Variants in RELB observed in about 807,000 individuals in gnomAD.
The protein encoded by RELB is RELB proto-oncogene, NF-kB subunit.
A neutral mutation model predicts 55.4 loss-of-function variants in RELB; 14 were observed. The ratio of observed to expected loss-of-function variants is 0.25; its 90% CI spans 0.17 to 0.40. The LOEUF (loss-of-function observed/expected upper bound fraction) is 0.40, where lower values mean the gene tolerates loss of function less well. Ranked by LOEUF, RELB falls within the 10% of genes least tolerant of loss-of-function variation. The pLI, the probability that RELB is intolerant of heterozygous loss-of-function variation, is 1.00. For synonymous variants in RELB, 409 were observed against 371.3 expected, an observed-to-expected ratio of 1.10 and a Z score of -1.17; for missense variants, 669 against 830.7, an observed-to-expected ratio of 0.81 and a Z score of 2.39.
intron 5 of RELB, among the ~76,000 whole-genome samples, chr19:45,023,740 C>CTTTTTTTT (rs1168078618): frequency 2.6e-5 from 1 of 38,360 alleles, no homozygotes; most frequent in Non-Finnish European, 4.6e-5. Flanking sequence ...TGCCCAGCCT[C>CTTTTTTTT]TTTTTTTTTT....
chr19:45,009,234 C>G (rs186021856), intron 2 of RELB, among the ~76,000 whole-genome samples: 2 of 152,184 alleles, frequency 1.3e-5, no homozygotes, highest in Non-Finnish European at 2.9e-5. Flanking sequence ...GTGCCCACCA[C>G]GATACCCAGC....
intron 4 of RELB, among the ~76,000 whole-genome samples, chr19:45,015,154 C>T (rs2122424926): frequency 6.6e-6 from 1 of 152,126 alleles, no homozygotes; most frequent in South Asian, 2.1e-4. Context: ...CCACCTGCCT[C>T]GGCCTCCCAA....
chr19:45,001,731 A>G, intron 1 of RELB, 46 bp downstream of exon 1: 1 of 1,285,670 alleles, frequency 7.8e-7, no homozygotes, highest in Non-Finnish European at 1.1e-6. Context: ...GCGGGGCTGG[A>G]GATGCGGGGA....
intron 4 of RELB, among the ~76,000 whole-genome samples, chr19:45,014,491 C>G (rs1971398793): frequency 2.7e-5 from 4 of 150,410 alleles, no homozygotes; most frequent in African/African-American, 9.8e-5. Flanking sequence ...TCTTCCCAGG[C>G]AGTTATTCTG....
intron 4 of RELB, among the ~76,000 whole-genome samples, chr19:45,015,432 G>C (rs1050998996): frequency 1.3e-5 from 2 of 151,958 alleles, no homozygotes; most frequent in African/African-American, 4.8e-5. Flanking sequence ...TGCCAGGTCG[G>C]ACTTATTCTA....
rs180862528 is a variant in RELB at position 45,015,579 on chromosome 19, A to T, written c.504+3303A>T. Among the ~76,000 whole-genome samples, 727 of 152,036 alleles carry T rather than the reference A, an allele frequency of 4.8e-3. 7 individuals are homozygous for T. The highest frequency in any genetic ancestry group is 0.032 in the South Asian group (153 of 4,814). On this transcript the variant is annotated intron_variant, in intron 4 of 11. Transcript: ENST00000221452. ...GCAAGATGCCCGTCTCTATAAAAAT[A>T]AAAAAATTAGCCAGGCGTGGTGGCA...
intron 3 of RELB, among the ~76,000 whole-genome samples, chr19:45,010,522 G>T (rs1971337879): frequency 6.6e-6 from 1 of 151,792 alleles, no homozygotes; most frequent in Admixed American, 6.6e-5. Flanking sequence ...GAAATAAACA[G>T]GACGAGGGAG....
chr19:45,024,496 G>A (rs1971533292), intron 5 of RELB, among the ~76,000 whole-genome samples: 2 of 152,006 alleles, frequency 1.3e-5, no homozygotes, highest in Non-Finnish European at 2.9e-5. Flanking sequence ...GTTGGCCAGT[G>A]TTCTCACATG....
chr19:45,017,233 G>T (rs765333750), intron 4 of RELB, among the ~76,000 whole-genome samples: 1 of 152,164 alleles, frequency 6.6e-6, no homozygotes, highest in Non-Finnish European at 1.5e-5. Context: ...AAGCTGCCAA[G>T]TGGGACTGGC....
At position 45,001,674 on chromosome 19, in the gene RELB, TG is replaced by T. The variant is rs1190343211; in HGVS notation, c.100del (p.Ala34ProfsTer2). ...RVARPPAAPELGALGSPDLSS... is the reference protein window; with the variant it reads ...RVARPPAAPEXGALGSPDLSS... Reference sequence around the variant, plus strand: ...GCCAGACCGCCGGCTGCGCCGGAGCTGGGGGCCTTAGGTAAGCGGGGCTGGG... The same window carrying T: ...GCCAGACCGCCGGCTGCGCCGGAGCTGGGGCCTTAGGTAAGCGGGGCTGGG... On this transcript the variant is annotated frameshift_variant, in exon 1 of 12. Coordinates refer to ENST00000221452, the MANE Select transcript of RELB (RefSeq NM_006509.4). LOFTEE classifies it high-confidence loss of function. 2 of 1,520,144 alleles carry T rather than the reference TG, an allele frequency of 1.3e-6. No homozygotes were observed. Among genetic ancestry groups the T allele is most frequent in the East Asian group, 2.6e-5 (1 of 39,184 alleles). 94.2% of individuals were successfully genotyped at this position (1,520,144 alleles called of 1,614,324 possible).
Position 45,006,017 on chromosome 19 carries a change from G to A in RELB, c.154+3021G>A, listed in dbSNP as rs545929720. On this transcript the variant is annotated intron_variant, in intron 2 of 11. Transcript: ENST00000221452. ...ATGCGCCTGTTCTGTACCTGGCCTTGTGCCGAGCAGTGCTGAGGACAGGCC... is the reference window on the plus strand; with the variant it reads ...ATGCGCCTGTTCTGTACCTGGCCTTATGCCGAGCAGTGCTGAGGACAGGCC... Among the ~76,000 whole-genome samples the A allele has an allele frequency of 3.5e-4, 54 of 152,340 alleles. 1 individual carries two copies. Among genetic ancestry groups the A allele is most frequent in the African/African-American group, 1.2e-3 (51 of 41,578 alleles).
chr19:45,008,558 C>A (rs1971311578), intron 2 of RELB: 2 of 456,072 alleles, frequency 4.4e-6, no homozygotes, highest in Admixed American at 2.4e-5. Context: ...CTCTGCCAGC[C>A]TCAGTATCCC....
chr19:45,036,271 C>T (rs572367026), intron 11 of RELB, among the ~76,000 whole-genome samples: 1 of 152,174 alleles, frequency 6.6e-6, no homozygotes, highest in African/African-American at 2.4e-5. Context: ...AGGGGTTTCG[C>T]CATGTTGGCC....
chr19:45,015,602 G>A (rs1460325618), intron 4 of RELB, among the ~76,000 whole-genome samples: 1 of 152,082 alleles, frequency 6.6e-6, no homozygotes, highest in African/African-American at 2.4e-5. Flanking sequence ...AGGCGTGGTG[G>A]CATGCGCCTG....
At chr19:45,030,488 T>G (rs1212988625) in intron 8 of RELB, among the ~76,000 whole-genome samples, 1 of 152,000 alleles carries the variant, frequency 6.6e-6, no homozygotes, top group African/African-American at 2.4e-5. Flanking sequence ...AAAAATTAGC[T>G]GGGTGTGGTG....
At chr19:45,009,912 GGGGAGA>G in intron 3 of RELB, 90 bp downstream of exon 3, 1 of 1,256,756 alleles carries the variant, frequency 8.0e-7, no homozygotes, top group Non-Finnish European at 1.1e-6. Context: ...AGTGGGGGTG[GGGGAGA>G]GGTGTCACTG....
intron 9 of RELB, among the ~76,000 whole-genome samples, chr19:45,034,028 G>A (rs190032595): frequency 6.6e-5 from 10 of 151,690 alleles, no homozygotes; most frequent in East Asian, 2.0e-4. Flanking sequence ...GCGTGGTGGC[G>A]CACACCTGTA....
intron 2 of RELB, among the ~76,000 whole-genome samples, chr19:45,008,872 C>T (rs963897297): frequency 1.3e-5 from 2 of 152,130 alleles, no homozygotes; most frequent in African/African-American, 2.4e-5. Flanking sequence ...GACGGGAGGT[C>T]GGTTTCGATT....
Position 45,012,258 on chromosome 19 carries a change from G to A in RELB, c.486G>A (p.Lys162=). ...ILGESSTEAS[K]TLPAIELRDC... is the part of the protein sequence containing the mutation. Reference sequence around the variant, plus strand: ...GGGAGAGCAGCACCGAGGCCAGCAAGACGCTGCCCGCCATCGAGGTGGGCC... The same window carrying A: ...GGGAGAGCAGCACCGAGGCCAGCAAAACGCTGCCCGCCATCGAGGTGGGCC... Residue 162 remains lysine, a synonymous_variant, in exon 4 of 12, where the codon AAG becomes AAA. Transcript: ENST00000221452. 1.4e-6 allele frequency: 2 copies of A among 1,424,270 alleles called. No individual in the cohort carries two copies. Among genetic ancestry groups the A allele is most frequent in the South Asian group, 1.6e-5 (1 of 63,554 alleles). The allele number at this position is 1,424,270 out of a possible 1,614,324, so 88.2% of individuals were successfully genotyped here. A position where few individuals can be genotyped will look rare whatever the true frequency, so the allele number is the denominator to read the frequency against.
Sources: allele counts gnomAD v4.1 joint callset (sites outside exome capture counted in the v4.1 genomes callset), GRCh38; gene constraint gnomAD v4.1.1; transcripts MANE v1.5; gene names NCBI Gene and HGNC (gene_info 2026-07-23, HGNC 2026-07-21).